Variants in MTHFD2L observed in about 807,000 individuals in gnomAD.
The protein encoded by MTHFD2L is methylenetetrahydrofolate dehydrogenase (NADP+ dependent) 2 like.
A neutral mutation model predicts 34.9 loss-of-function variants in MTHFD2L; 29 were observed. The ratio of observed to expected loss-of-function variants is 0.83; its 90% confidence interval spans 0.62 to 1.13. The LOEUF is 1.13. Among genes scored for constraint, MTHFD2L ranks in the 50% most tolerant of loss-of-function variants. The pLI, the probability that MTHFD2L is intolerant of heterozygous loss-of-function variation, is 0.00. For missense variants in MTHFD2L, 481 were observed against 446.5 expected, an observed-to-expected ratio of 1.08 and a Z score of -0.70; for synonymous variants, 167 against 155.7, an observed-to-expected ratio of 1.07 and a Z score of -0.54.
intron 6 of MTHFD2L, among the ~76,000 whole-genome samples, chr4:74,252,866 C>T (rs1316985916): frequency 6.6e-6 from 1 of 151,744 alleles, no homozygotes; most frequent in Non-Finnish European, 1.5e-5. Context: ...AGATGTGAGT[C>T]CTGAGTTTAA....
At chr4:74,158,436 C>G (rs1014498755) in intron 1 of MTHFD2L, 155 bp downstream of exon 1, 5 of 463,650 alleles carry the variant, frequency 1.1e-5, no homozygotes, top group Non-Finnish European at 2.9e-6. Context: ...GTGGCCTTGC[C>G]GGTCGCGCGG....
intron 3 of MTHFD2L, among the ~76,000 whole-genome samples, chr4:74,198,718 G>C (rs1362975301): frequency 6.6e-6 from 1 of 151,994 alleles, no homozygotes; most frequent in East Asian, 1.9e-4. Context: ...ATAGATGGAG[G>C]CCCTGCTAAA....
intron 3 of MTHFD2L, chr4:74,195,420 A>G (rs1733299941): frequency 6.6e-6 from 1 of 152,224 alleles, no homozygotes; most frequent in South Asian, 2.1e-4. Context: ...CAGGAAGAAT[A>G]ATGTTCACTC....
At chr4:74,185,060 G>T (rs1730900047) in intron 3 of MTHFD2L, among the ~76,000 whole-genome samples, 1 of 147,926 alleles carries the variant, frequency 6.8e-6, no homozygotes, top group Non-Finnish European at 1.5e-5. Flanking sequence ...GCTGAGGCAG[G>T]AGAATGTCCT....
chr4:74,164,399 A>G (rs1251912692), intron 1 of MTHFD2L, among the ~76,000 whole-genome samples: 1 of 152,220 alleles, frequency 6.6e-6, no homozygotes, highest in African/African-American at 2.4e-5. Flanking sequence ...CTAGTTTATT[A>G]AATAAATCAT....
At chr4:74,179,590 T>C (rs549282141) in intron 3 of MTHFD2L, among the ~76,000 whole-genome samples, 2 of 152,192 alleles carry the variant, frequency 1.3e-5, no homozygotes, top group South Asian at 4.1e-4. Context: ...TTACTGACCG[T>C]TACTTAACTT....
chr4:74,115,728 G>A (rs374973598), intron 2 of MTHFD2L, among the ~76,000 whole-genome samples: 9 of 152,260 alleles, frequency 5.9e-5, no homozygotes, highest in African/African-American at 1.9e-4. Context: ...AGAAATACTC[G>A]TGTATATTAG....
rs751828571 is a variant in MTHFD2L, at chr4:74,281,546, C to T, written c.927C>T (p.Phe309=). ...CAAAATTAGTTGGAGATGTGGACTT[C>T]GAAGGTAATAAACCAATATCTTTTG... ...GKTKLVGDVD[F]EAVKKKAGFI... is the part of the protein sequence containing the mutation. Residue 309 remains phenylalanine, a synonymous_variant, in exon 7 of 8, where the codon TTC becomes TTT. Coordinates refer to ENST00000325278, the MANE Select transcript of MTHFD2L (RefSeq NM_001144978.3). The T allele has an allele frequency of 1.4e-5, 23 of 1,610,460 alleles. No individual in the cohort carries two copies. Among genetic ancestry groups the T allele is most frequent in the Non-Finnish European group, 1.8e-5 (21 of 1,178,300 alleles).
upstream of MTHFD2L, chr4:74,158,053 G>T: frequency 6.6e-7 from 1 of 1,524,888 alleles, no homozygotes; most frequent in South Asian, 1.2e-5. Context: ...CTGCCAGCCC[G>T]GGTGAGGGCG....
intron 6 of MTHFD2L, among the ~76,000 whole-genome samples, chr4:74,244,980 G>A (rs956030024): frequency 6.6e-6 from 1 of 151,982 alleles, no homozygotes; most frequent in Non-Finnish European, 1.5e-5. Context: ...GGATCACAAG[G>A]TCAAGAGCTC....
upstream of MTHFD2L, among the ~76,000 whole-genome samples, chr4:74,154,425 A>T (rs1238168748): frequency 2.0e-5 from 3 of 152,040 alleles, no homozygotes; most frequent in Non-Finnish European, 2.9e-5. Context: ...AAATTTTAGG[A>T]ATTCTGCATC....
chr4:74,178,916 G>T lies in MTHFD2L; in HGVS notation c.451+3513G>T, dbSNP rs1309452817. Among the ~76,000 whole-genome samples, 3 of 151,994 alleles carry T rather than the reference G, an allele frequency of 2.0e-5. No individual in the cohort carries two copies. In the East Asian group the frequency reaches 5.8e-4, roughly 29 times the overall value. On this transcript the variant is annotated intron_variant, in intron 3 of 7. Transcript: ENST00000325278. ...TTGGGATTTGAATCCGGGCAGACTG[G>T]CCCCCATGCCAAGAATACTCTTACC...
chr4:74,269,020 AGAAAGACATAAGCTT>A (rs1745638672), intron 6 of MTHFD2L, among the ~76,000 whole-genome samples: 1 of 152,216 alleles, frequency 6.6e-6, no homozygotes, highest in East Asian at 1.9e-4. Flanking sequence ...TCCCTTGATG[AGAAAGACATAAGCTT>A]TAAAGTAGTG....
At chr4:74,266,716 T>G (rs760690425) in intron 6 of MTHFD2L, 116 of 302,676 alleles carry the variant, frequency 3.8e-4, no homozygotes, top group Non-Finnish European at 5.2e-4. Flanking sequence ...TTTTGAAATC[T>G]TGAAGCTAAG....
At chr4:74,299,221 G>A (rs1426582516) in intron 7 of MTHFD2L, among the ~76,000 whole-genome samples, 1 of 151,688 alleles carries the variant, frequency 6.6e-6, no homozygotes, top group Non-Finnish European at 1.5e-5. Flanking sequence ...GTTTTCCATT[G>A]AAGATTCAAT....
intron 5 of MTHFD2L, among the ~76,000 whole-genome samples, chr4:74,203,089 GAAT>G (rs1347063719): frequency 6.6e-6 from 1 of 152,032 alleles, no homozygotes; most frequent in Non-Finnish European, 1.5e-5. Context: ...TGACACTTTT[GAAT>G]AATATTTTCC....
chr4:74,179,177 A>G (rs577523492), intron 3 of MTHFD2L, among the ~76,000 whole-genome samples: 4 of 152,202 alleles, frequency 2.6e-5, no homozygotes, highest in Non-Finnish European at 4.4e-5. Context: ...ACCCAGATCA[A>G]CTGATTTCAG....
At chr4:74,179,127 C>G (rs1729612810) in intron 3 of MTHFD2L, among the ~76,000 whole-genome samples, 1 of 151,986 alleles carries the variant, frequency 6.6e-6, no homozygotes, top group African/African-American at 2.4e-5. Context: ...AGTGAATTGA[C>G]CAGTATTACC....
upstream of MTHFD2L, among the ~76,000 whole-genome samples, chr4:74,124,974 A>T (rs12642974): frequency 0.27 from 41,569 of 151,932 alleles, 7,109 homozygotes; most frequent in East Asian, 0.52. Context: ...TACAAATAAC[A>T]TGGTACTGAC....
Sources: gnomAD v4.1 joint callset for allele counts (sites outside exome capture counted in the v4.1 genomes callset) on GRCh38, gnomAD v4.1.1 for gene constraint, MANE v1.5 for transcripts, NCBI Gene and HGNC (gene_info 2026-07-23, HGNC 2026-07-21) for gene names.